The following PREX2 variants were observed in gnomAD, a reference collection of about 807,000 sequenced individuals.
PREX2 encodes the protein phosphatidylinositol 3,4,5-trisphosphate-dependent Rac exchanger 2 protein.
PREX2 carries 107 observed loss-of-function variants against 203.2 expected under a neutral mutation model. The observed-to-expected ratio is 0.53, with a 90% confidence interval of 0.45 to 0.62. PREX2 has a LOEUF of 0.62. PREX2 is among the 20% of genes least tolerant of loss of function. PREX2 has a pLI of 0.00. For synonymous variants in PREX2, 672 were observed against 663.6 expected (o/e 1.01, Z -0.19); for missense variants, 1,777 against 1,955.9 (o/e 0.91, Z 1.72).
intron 4 of PREX2, among the ~76,000 whole-genome samples, chr8:68,024,659 A>AT (rs2129610352): frequency 6.6e-6 from 1 of 151,540 alleles, no homozygotes; most frequent in South Asian, 2.1e-4. Flanking sequence ...ATATGATGGT[A>AT]TTTACATGTG....
chr8:68,126,906 ACG>A (rs1810904006), intron 30 of PREX2, among the ~76,000 whole-genome samples: 1 of 150,900 alleles, frequency 6.6e-6, no homozygotes, highest in African/African-American at 2.5e-5. Flanking sequence ...ATACATATAT[ACG>A]TGTGTGTGTA....
chr8:68,204,737 T>C (rs1048014503), intron 37 of PREX2, among the ~76,000 whole-genome samples: 1 of 138,568 alleles, frequency 7.2e-6, no homozygotes, highest in Non-Finnish European at 1.5e-5. Flanking sequence ...CAGGCTAGAG[T>C]GCAATGGCGT....
At chr8:67,963,085 A>G (rs1805676093) in intron 1 of PREX2, among the ~76,000 whole-genome samples, 1 of 152,132 alleles carries the variant, frequency 6.6e-6, no homozygotes, top group African/African-American at 2.4e-5. Flanking sequence ...GCTTAAGACT[A>G]CATTTCTCAG....
chr8:68,108,091 G>T lies in PREX2; in HGVS notation c.2716-18G>T, dbSNP rs751099624. On this transcript the variant is annotated intron_variant, in intron 23 of 39. Coordinates refer to ENST00000288368, the MANE Select transcript of PREX2 (RefSeq NM_024870.4). ...TACTGTGTGTTCAACTGCTTTTTAT[G>T]TTTTCTTTAATTTGCAGTTTTCTCG... 1 of 1,571,318 alleles carries T rather than the reference G, an allele frequency of 6.4e-7. No individual in the cohort carries two copies. The highest frequency in any genetic ancestry group is 1.8e-5 in the Admixed American group (1 of 56,750).
chr8:68,142,015 A>C (rs1012370890), intron 33 of PREX2, among the ~76,000 whole-genome samples: 1 of 152,112 alleles, frequency 6.6e-6, no homozygotes, highest in African/African-American at 2.4e-5. Context: ...AATTGAGAGG[A>C]AGGTACAGAG....
Position 68,027,297 on chromosome 8 carries a change from A to G in PREX2, c.517A>G (p.Ile173Val). ...ATATTTAGTAACACCAATACAAAGA[A>G]TATGCAAGTACCCTCTTATTTTGAA... ...EGYLVTPIQRICKYPLILKEL... is the reference protein window; with the variant it reads ...EGYLVTPIQRVCKYPLILKEL... Residue 173 changes from isoleucine to valine, a missense_variant, in exon 5 of 40, where the codon ATA becomes GTA. Ile to Val is a conservative substitution (Grantham distance 29). Transcript: ENST00000288368. 2 of 1,605,886 alleles carry G rather than the reference A, an allele frequency of 1.2e-6. No individual in the cohort carries two copies. The highest frequency in any genetic ancestry group is 1.7e-4 in the Middle Eastern group (1 of 6,026).
chr8:68,018,233 C>T (rs913938120), intron 2 of PREX2, among the ~76,000 whole-genome samples: 1 of 151,538 alleles, frequency 6.6e-6, no homozygotes, highest in Non-Finnish European at 1.5e-5. Context: ...TTTGGGAGGC[C>T]GAGGTGGGAG....
chr8:68,186,938 G>A (rs1247217426), intron 35 of PREX2, among the ~76,000 whole-genome samples: 1 of 151,946 alleles, frequency 6.6e-6, no homozygotes, highest in Non-Finnish European at 1.5e-5. Context: ...CCATTGAATA[G>A]TTGAAGACTT....
chr8:68,212,885 A>T (rs904236144), intron 37 of PREX2, among the ~76,000 whole-genome samples: 2 of 152,224 alleles, frequency 1.3e-5, no homozygotes, highest in South Asian at 4.1e-4. Flanking sequence ...TTTCTTTAGC[A>T]TATGAACCAT....
At chr8:67,975,697 T>TC (rs1342230745) in intron 1 of PREX2, among the ~76,000 whole-genome samples, 2 of 67,284 alleles carry the variant, frequency 3.0e-5, no homozygotes, top group African/African-American at 4.4e-5. Context: ...TCTCTTTCTT[T>TC]TTTTTTTTTT....
At chr8:68,089,983 A>G (rs1055026502) in intron 19 of PREX2, among the ~76,000 whole-genome samples, 1 of 152,234 alleles carries the variant, frequency 6.6e-6, no homozygotes, top group African/African-American at 2.4e-5. Context: ...AAACAAAATG[A>G]CAGGATGAGT....
chr8:68,083,357 C>T lies in PREX2; in HGVS notation c.1996C>T (p.Leu666=). The T allele has an allele frequency of 6.2e-7, 1 of 1,610,568 alleles. No homozygotes were observed. The highest frequency in any genetic ancestry group is 8.5e-7 in the Non-Finnish European group (1 of 1,177,750). Residue 666 remains leucine (L), a synonymous_variant, in exon 18 of 40, where the codon CTA becomes TTA. Transcript: ENST00000288368. ...ATCGTGTTTAAACAGCAGAAAACCT[C>T]TAAGAGTTCTTGTGAGCACAAAGCC... ...LKSCLNSRKP[L]RVLVSTKPRE...
chr8:68,231,435 C>A lies in PREX2; in HGVS notation c.*57C>A, dbSNP rs1304291723. 2 of 1,367,386 alleles carry A rather than the reference C, an allele frequency of 1.5e-6. No homozygotes were observed. Among genetic ancestry groups the A allele is most frequent in the Non-Finnish European group, 2.0e-6 (2 of 997,398 alleles). 84.7% of individuals were successfully genotyped at this position (1,367,386 alleles called of 1,614,324 possible). On this transcript the variant is annotated 3_prime_UTR_variant, in exon 40 of 40. Coordinates refer to ENST00000288368, the MANE Select transcript of PREX2 (RefSeq NM_024870.4). ...GCTCCTGAATGCTGGACTAGACAAACTACATGCTGGCTAAACATTCTCCAC... is the reference window on the plus strand; with the variant it reads ...GCTCCTGAATGCTGGACTAGACAAAATACATGCTGGCTAAACATTCTCCAC...
chr8:68,231,285 A>T (rs2280636), intron 39 of PREX2, 48 bp from the exon 40 acceptor site: 1 of 1,407,484 alleles, frequency 7.1e-7, no homozygotes, highest in South Asian at 1.5e-5. Context: ...CACCTCATGT[A>T]ATGGTAATAC....
At chr8:67,957,776 G>T (rs796692440) in intron 1 of PREX2, among the ~76,000 whole-genome samples, 1 of 152,174 alleles carries the variant, frequency 6.6e-6, no homozygotes, top group South Asian at 2.1e-4. Context: ...TATGCTTAAG[G>T]TTTATGTTAT....
At chr8:68,090,522 C>G (rs1379605320) in intron 19 of PREX2, 57 bp from the exon 20 acceptor site, 2 of 1,484,650 alleles carry the variant, frequency 1.3e-6, no homozygotes, top group East Asian at 4.6e-5. Context: ...ATATATCATA[C>G]AAATGAATCT....
chr8:68,175,241 G>A (rs1360364955), intron 35 of PREX2, among the ~76,000 whole-genome samples: 1 of 152,108 alleles, frequency 6.6e-6, no homozygotes, highest in East Asian at 1.9e-4. Flanking sequence ...ACAATCCAAG[G>A]CATTGTGGGA....
chr8:68,109,755 T>C, intron 25 of PREX2, 132 bp downstream of exon 25: 1 of 708,456 alleles, frequency 1.4e-6, no homozygotes, highest in Non-Finnish European at 2.3e-6. Context: ...ATAGATCCTC[T>C]TCATTCCAAA....
At chr8:67,969,984 C>T (rs934995934) in intron 1 of PREX2, among the ~76,000 whole-genome samples, 11 of 152,176 alleles carry the variant, frequency 7.2e-5, no homozygotes, top group Admixed American at 1.3e-4. Flanking sequence ...ATTTCTATAG[C>T]TCAATTTGCT....
Sources: gnomAD v4.1 joint callset for allele counts (sites outside exome capture counted in the v4.1 genomes callset) on GRCh38, gnomAD v4.1.1 for gene constraint, MANE v1.5 for transcripts, NCBI Gene and HGNC (gene_info 2026-07-23, HGNC 2026-07-21) for gene names.